RARB: variants seen among roughly 807,000 people sequenced by gnomAD.
RARB encodes retinoic acid receptor beta, also known as HBV-activated protein.
RARB carries 17 observed loss-of-function variants against 51.9 expected under a neutral mutation model. That is an observed-to-expected ratio of 0.33 (90% CI 0.22 to 0.49). The LOEUF (loss-of-function observed/expected upper bound fraction) is 0.49, where lower values mean the gene tolerates loss of function less well. RARB is among the 20% of genes least tolerant of loss of function. RARB has a pLI of 0.99. For missense variants in RARB, 369 were observed against 550.8 expected (o/e 0.67, Z 3.30); for synonymous variants, 215 against 195.4 (o/e 1.10, Z -0.84).
chr3:25,212,389 G>A (rs890821734), intron 5 of RARB, among the ~76,000 whole-genome samples: 1 of 152,224 alleles, frequency 6.6e-6, no homozygotes, highest in African/African-American at 2.4e-5. Context: ...GGAGGCCTAG[G>A]TGGGCAGATC....
intron 5 of RARB, among the ~76,000 whole-genome samples, chr3:25,585,582 A>T (rs187960072): frequency 1.3e-5 from 2 of 152,342 alleles, no homozygotes; most frequent in South Asian, 2.1e-4. Context: ...CAGGGTTTTC[A>T]TATCAGCCCC....
At chr3:25,564,660 C>A (rs192613572) in intron 3 of RARB, among the ~76,000 whole-genome samples, 2 of 152,248 alleles carry the variant, frequency 1.3e-5, no homozygotes, top group East Asian at 3.9e-4. Context: ...ATCTGTGGGT[C>A]GGATCTTGTA....
chr3:24,958,467 C>G (rs1039667570), intron 2 of RARB, among the ~76,000 whole-genome samples: 8 of 152,100 alleles, frequency 5.3e-5, no homozygotes, highest in Non-Finnish European at 1.0e-4. Context: ...AACAAAAAAA[C>G]AGAGCCATTA....
Position 25,510,758 on chromosome 3 carries a change from T to C in RARB, c.448+9435T>C, listed in dbSNP as rs1436944745. 2.6e-5 allele frequency among the ~76,000 whole-genome samples: 4 copies of C among 152,240 alleles called. No individual in the cohort carries two copies. The East Asian group carries it at 7.7e-4, about 29-fold the overall frequency. On this transcript the variant is annotated intron_variant, in intron 3 of 7. Transcript: ENST00000330688. Reference sequence around the variant, plus strand: ...GAATATTGAACTTGGCATAAGACAGTATGAACTCATTTAATGATAAAGATT... The same window carrying C: ...GAATATTGAACTTGGCATAAGACAGCATGAACTCATTTAATGATAAAGATT...
chr3:24,872,518 G>A (rs1395865842), intron 2 of RARB, among the ~76,000 whole-genome samples: 2 of 152,148 alleles, frequency 1.3e-5, no homozygotes, highest in Non-Finnish European at 2.9e-5. Flanking sequence ...TCTGCTTTAG[G>A]TGAGAACCTC....
chr3:24,913,262 G>A (rs1695036688), intron 2 of RARB, among the ~76,000 whole-genome samples: 1 of 151,966 alleles, frequency 6.6e-6, no homozygotes. Flanking sequence ...GGGATTACAG[G>A]TGTGAGCCAC....
chr3:25,506,834 C>T (rs1043172707), intron 3 of RARB, among the ~76,000 whole-genome samples: 8 of 152,370 alleles, frequency 5.3e-5, no homozygotes, highest in Admixed American at 4.6e-4. Context: ...CTTAGGGCTG[C>T]TCTGTGATCC....
intron 2 of RARB, among the ~76,000 whole-genome samples, chr3:24,871,798 T>C (rs2125349741): frequency 6.6e-6 from 1 of 152,322 alleles, no homozygotes; most frequent in Middle Eastern, 3.4e-3. Flanking sequence ...GGTGACTTTA[T>C]TCCTTAAACT....
At position 25,165,727 on chromosome 3, in the gene RARB, C is replaced by T. The variant is rs146088714; in HGVS notation, c.-279-8392C>T. Among the ~76,000 whole-genome samples the T allele has an allele frequency of 9.5e-3, 1,454 of 152,286 alleles. 9 individuals are homozygous for T. The highest frequency in any genetic ancestry group is 0.015 in the Non-Finnish European group (1,003 of 68,018). On this transcript the variant is annotated intron_variant, in intron 4 of 11. Transcript: ENST00000383772. ...TGAAAAGACCTTAGGTGAAGCCTGA[C>T]TTCAGCATGTGTGTGCATTGCTAGC...
chr3:24,872,019 C>A (rs2125349904), intron 2 of RARB, among the ~76,000 whole-genome samples: 1 of 152,242 alleles, frequency 6.6e-6, no homozygotes, highest in East Asian at 1.9e-4. Context: ...CCTCTACAAA[C>A]TGTTTTCAAT....
intron 5 of RARB, among the ~76,000 whole-genome samples, chr3:25,201,598 A>G (rs1701390891): frequency 6.6e-6 from 1 of 152,208 alleles, no homozygotes; most frequent in Admixed American, 6.5e-5. Context: ...ATTTTGAGAT[A>G]GGTCCCATCA....
intron 5 of RARB, among the ~76,000 whole-genome samples, chr3:25,342,156 C>T (rs1400504768): frequency 6.6e-6 from 1 of 152,182 alleles, no homozygotes; most frequent in Non-Finnish European, 1.5e-5. Flanking sequence ...GTTAAGCAGA[C>T]TGCAGTTTCA....
chr3:25,260,293 C>T (rs1051589276), intron 5 of RARB, among the ~76,000 whole-genome samples: 2 of 152,080 alleles, frequency 1.3e-5, no homozygotes, highest in African/African-American at 2.4e-5. Flanking sequence ...ATAAGAAATA[C>T]ATATATATGT....
In RARB at chr3:25,539,613, T is replaced by C. The variant is rs187388488; in HGVS notation, c.449-30145T>C. 2.4e-3 allele frequency among the ~76,000 whole-genome samples: 366 copies of C among 151,260 alleles called. 1 individual carries two copies. Among genetic ancestry groups the C allele is most frequent in the Non-Finnish European group, 3.8e-3 (259 of 67,828 alleles). ...TTTTTCTCTTGTTTTGTATTTCTTT[T>C]TTCCCCCCCACACTCTCTACATTCT... On this transcript the variant is annotated intron_variant, in intron 3 of 7. Transcript: ENST00000330688.
chr3:25,255,437 C>T (rs1702840335), intron 5 of RARB, among the ~76,000 whole-genome samples: 1 of 152,162 alleles, frequency 6.6e-6, no homozygotes, highest in Non-Finnish European at 1.5e-5. Flanking sequence ...TCCTCCTCTG[C>T]CTTCTCCATC....
intron 3 of RARB, among the ~76,000 whole-genome samples, chr3:25,523,144 A>G (rs968770221): frequency 3.3e-5 from 5 of 152,222 alleles, no homozygotes; most frequent in African/African-American, 1.2e-4. Flanking sequence ...ACTGGTTTCC[A>G]GTAAGTTTCC....
intron 2 of RARB, among the ~76,000 whole-genome samples, chr3:25,030,220 T>G (rs536095876): frequency 6.6e-6 from 1 of 152,372 alleles, no homozygotes; most frequent in African/African-American, 2.4e-5. Flanking sequence ...AATATTATAT[T>G]GTTCAACTTG....
At chr3:25,304,249 G>T (rs944583508) in intron 5 of RARB, among the ~76,000 whole-genome samples, 4 of 152,110 alleles carry the variant, frequency 2.6e-5, no homozygotes, top group African/African-American at 2.4e-5. Context: ...TTCTAAGAAG[G>T]CTTCTTTATT....
At chr3:25,235,088 A>T (rs1702272434) in intron 5 of RARB, among the ~76,000 whole-genome samples, 1 of 152,154 alleles carries the variant, frequency 6.6e-6, no homozygotes, top group Non-Finnish European at 1.5e-5. Flanking sequence ...GTGCATGATC[A>T]CTACATTGTT....
Sources: gnomAD v4.1 joint callset for allele counts (sites outside exome capture counted in the v4.1 genomes callset) on GRCh38, gnomAD v4.1.1 for gene constraint, MANE v1.5 for transcripts, NCBI Gene and HGNC (gene_info 2026-07-23, HGNC 2026-07-21) for gene names.